MEIS2: variants seen among roughly 807,000 people sequenced by gnomAD.
The protein encoded by MEIS2 is Meis homeobox 2.
In MEIS2, 9 loss-of-function variants were observed where a neutral mutation model predicts 58.6. The observed-to-expected ratio is 0.15, with a 90% confidence interval of 0.09 to 0.27. The LOEUF (loss-of-function observed/expected upper bound fraction) is 0.27. Among genes scored for constraint, MEIS2 ranks in the 10% least tolerant of loss-of-function variants. The probability of loss-of-function intolerance (pLI) is 1.00; values close to 1 mark genes in which losing one functional copy is unlikely to be tolerated. For synonymous variants in MEIS2, 221 were observed against 228.4 expected (o/e 0.97, Z 0.29); for missense variants, 427 against 635.0 (o/e 0.67, Z 3.52).
At chr15:36,916,005 CAT>C (rs2057259151) in intron 9 of MEIS2, among the ~76,000 whole-genome samples, 1 of 152,298 alleles carries the variant, frequency 6.6e-6, no homozygotes, top group African/African-American at 2.4e-5. Context: ...AAAAGTGAAA[CAT>C]GTAGTGAAAA....
intron 8 of MEIS2, among the ~76,000 whole-genome samples, chr15:36,958,017 C>G (rs557566559): frequency 3.4e-4 from 51 of 152,178 alleles, no homozygotes; most frequent in Non-Finnish European, 6.2e-4. Flanking sequence ...AATTTAATGG[C>G]AGATGTATAT....
At chr15:36,916,560 T>C (rs1226800083) in intron 9 of MEIS2, among the ~76,000 whole-genome samples, 1 of 151,856 alleles carries the variant, frequency 6.6e-6, no homozygotes. Context: ...GCCTCCCAAG[T>C]ACCTAGAACT....
chr15:37,023,242 A>G (rs2141681537), intron 8 of MEIS2, among the ~76,000 whole-genome samples: 1 of 152,306 alleles, frequency 6.6e-6, no homozygotes, highest in Middle Eastern at 3.4e-3. Flanking sequence ...GTATATTTTG[A>G]TGAAGACTAC....
intron 8 of MEIS2, among the ~76,000 whole-genome samples, chr15:37,003,352 C>A (rs2141604291): frequency 6.6e-6 from 1 of 151,958 alleles, no homozygotes; most frequent in East Asian, 1.9e-4. Context: ...ACAACAACAA[C>A]AACAACAACA....
intron 8 of MEIS2, among the ~76,000 whole-genome samples, chr15:36,990,414 T>C (rs2060234811): frequency 6.6e-6 from 1 of 152,178 alleles, no homozygotes; most frequent in Non-Finnish European, 1.5e-5. Context: ...AATTATAAAT[T>C]TGTTACTATT....
At position 37,059,804 on chromosome 15, in the gene MEIS2, G is replaced by A. The variant is rs962274753; in HGVS notation, c.755-22845C>T. ...ATACAAACATAAATTAGCTGGGTGT[G>A]GTGGCACACACCTGTGGTCCCAGCT... On this transcript the variant is annotated intron_variant, in intron 7 of 11. Transcript: ENST00000561208. Among the ~76,000 whole-genome samples, 4 of 152,190 alleles carry A rather than the reference G, an allele frequency of 2.6e-5. No individual in the cohort carries two copies. The South Asian group carries it at 8.3e-4, about 32-fold the overall frequency.
At chr15:36,955,341 G>A (rs1180771049) in intron 8 of MEIS2, among the ~76,000 whole-genome samples, 3 of 152,054 alleles carry the variant, frequency 2.0e-5, no homozygotes, top group Non-Finnish European at 2.9e-5. Context: ...TCATTGTCAT[G>A]CTTTATTTAT....
chr15:36,969,788 T>C (rs2059472374), intron 8 of MEIS2, among the ~76,000 whole-genome samples: 1 of 152,210 alleles, frequency 6.6e-6, no homozygotes, highest in South Asian at 2.1e-4. Flanking sequence ...CTGCTCCTTG[T>C]TAGTAAATTA....
chr15:37,029,390 T>C (rs1176327920), intron 8 of MEIS2, among the ~76,000 whole-genome samples: 1 of 152,202 alleles, frequency 6.6e-6, no homozygotes, highest in Non-Finnish European at 1.5e-5. Context: ...GCTATTTGTA[T>C]TATGTAGACC....
chr15:36,916,370 T>C (rs763877566), intron 9 of MEIS2, among the ~76,000 whole-genome samples: 2 of 148,188 alleles, frequency 1.3e-5, no homozygotes, highest in Non-Finnish European at 3.0e-5. Flanking sequence ...GAGCTTGCAG[T>C]GAGCTGAGAC....
chr15:36,953,556 A>T (rs1262080042), intron 8 of MEIS2, among the ~76,000 whole-genome samples: 1 of 152,080 alleles, frequency 6.6e-6, no homozygotes, highest in Non-Finnish European at 1.5e-5. Flanking sequence ...CGTCATTGTA[A>T]CCTGATAGCA....
chr15:36,912,560 T>C (rs1595708275), intron 9 of MEIS2, among the ~76,000 whole-genome samples: 1 of 152,334 alleles, frequency 6.6e-6, no homozygotes, highest in East Asian at 1.9e-4. Context: ...GACCTTTTCC[T>C]TTCTTTTTTG....
chr15:36,896,832 G>A (rs997492259), intron 9 of MEIS2, 146 bp from the exon 10 acceptor site: 35 of 690,958 alleles, frequency 5.1e-5, no homozygotes, highest in African/African-American at 4.5e-4. Context: ...CCCTTTCAGC[G>A]TTCAAAAATA....
intron 8 of MEIS2, among the ~76,000 whole-genome samples, chr15:37,018,607 G>C (rs1183276985): frequency 1.3e-5 from 2 of 152,092 alleles, no homozygotes; most frequent in African/African-American, 4.8e-5. Flanking sequence ...GAGTATTAAA[G>C]GCAATGAATT....
chr15:37,054,018 G>A (rs1205489522), intron 7 of MEIS2, among the ~76,000 whole-genome samples: 1 of 152,160 alleles, frequency 6.6e-6, no homozygotes, highest in East Asian at 1.9e-4. Context: ...TGAGGTCAAA[G>A]TTTTCCTAAC....
intron 9 of MEIS2, among the ~76,000 whole-genome samples, chr15:36,918,498 A>T (rs1010394944): frequency 6.6e-6 from 1 of 152,238 alleles, no homozygotes; most frequent in Non-Finnish European, 1.5e-5. Context: ...CTACAAATAA[A>T]TGTTAATGCT....
At position 36,943,538 on chromosome 15, in the gene MEIS2, G is replaced by C. The variant is rs143579591; in HGVS notation, c.977+6786C>G. ...CATGAGAAATTTTATCTTCCAAAAA[G>C]TTCTCATTTAAATATTTTCTTTAAG... On this transcript the variant is annotated intron_variant, in intron 9 of 11. Coordinates refer to ENST00000561208, the MANE Select transcript of MEIS2 (RefSeq NM_170675.5). Among the ~76,000 whole-genome samples, 7 of 152,214 alleles carry C rather than the reference G, an allele frequency of 4.6e-5. No homozygotes were observed. The East Asian group carries it at 1.4e-3, about 29-fold the overall frequency.
intron 7 of MEIS2, among the ~76,000 whole-genome samples, chr15:37,075,206 T>C (rs1396636819): frequency 2.6e-5 from 4 of 152,038 alleles, no homozygotes; most frequent in African/African-American, 9.7e-5. Flanking sequence ...CATCTATACA[T>C]TTTGTATAGA....
At chr15:36,929,067 T>C (rs1377311836) in intron 9 of MEIS2, among the ~76,000 whole-genome samples, 2 of 152,224 alleles carry the variant, frequency 1.3e-5, no homozygotes, top group Non-Finnish European at 2.9e-5. Flanking sequence ...TCTTCCTCAA[T>C]AGACTGGAAA....
Sources: gnomAD v4.1 joint callset for allele counts (sites outside exome capture counted in the v4.1 genomes callset) on GRCh38, gnomAD v4.1.1 for gene constraint, MANE v1.5 for transcripts, NCBI Gene and HGNC (gene_info 2026-07-23, HGNC 2026-07-21) for gene names.